TANGO2: variants seen among roughly 807,000 people sequenced by gnomAD.
TANGO2 encodes the protein transport and golgi organization 2 homolog, also known as transport and Golgi organization protein 2 homolog.
Under a neutral mutation model 39.1 loss-of-function variants are expected in TANGO2, and 26 were observed. The observed-to-expected ratio is 0.67, with a 90% CI of 0.49 to 0.92. The LOEUF is 0.92. TANGO2 is among the 40% of genes least tolerant of loss of function. TANGO2 has a pLI of 0.00. For missense variants in TANGO2, 326 were observed against 360.1 expected, an observed-to-expected ratio of 0.91 and a Z score of 0.77; for synonymous variants, 131 against 144.5, an observed-to-expected ratio of 0.91 and a Z score of 0.67.
chr22:20,043,314 C>T (rs769576322), intron 2 of TANGO2, 41 bp from the exon 3 acceptor site: 6 of 1,459,162 alleles, frequency 4.1e-6, no homozygotes, highest in Admixed American at 1.7e-5. Context: ...TTGGCTCGCT[C>T]GTTTCCATCT....
chr22:20,036,960 C>G, intron 2 of TANGO2, 106 bp downstream of exon 2: 2 of 1,611,502 alleles, frequency 1.2e-6, no homozygotes, highest in Non-Finnish European at 1.7e-6. Context: ...TGGGCCAGGA[C>G]GGGGCTGCAC....
chr22:20,036,500 C>T (rs534721415), intron 1 of TANGO2, among the ~76,000 whole-genome samples: 2 of 152,302 alleles, frequency 1.3e-5, no homozygotes, highest in South Asian at 4.1e-4. Context: ...CTTAAGACTA[C>T]CATGGTGCTG....
At chr22:20,023,530 A>G (rs2040132860) in intron 1 of TANGO2, among the ~76,000 whole-genome samples, 1 of 152,248 alleles carries the variant, frequency 6.6e-6, no homozygotes, top group Non-Finnish European at 1.5e-5. Context: ...AGCATTGTGA[A>G]GATCTGAGGA....
At chr22:20,022,308 G>A (rs983538810) in intron 1 of TANGO2, among the ~76,000 whole-genome samples, 33 of 152,180 alleles carry the variant, frequency 2.2e-4, no homozygotes, top group Non-Finnish European at 2.4e-4. Flanking sequence ...TGTGTCCTGC[G>A]TCTGTGTTGG....
At chr22:20,052,417 G>A (rs370355366) in intron 3 of TANGO2, 48 bp from the exon 4 acceptor site, 2 of 1,561,884 alleles carry the variant, frequency 1.3e-6, no homozygotes, top group Non-Finnish European at 1.7e-6. Context: ...CCAGGTGGGG[G>A]ACTGGAATGG....
At chr22:20,050,524 C>T (rs2046129122) in intron 3 of TANGO2, among the ~76,000 whole-genome samples, 1 of 151,180 alleles carries the variant, frequency 6.6e-6, no homozygotes, top group South Asian at 2.1e-4. Flanking sequence ...CCACCATGCC[C>T]AGCTAATTTT....
In TANGO2 at chr22:20,064,693, TGG is replaced by T. The variant is rs749891667; in HGVS notation, c.*36_*37del. ...CCTCTGGGCCTGGCCAGTGGGCTCC[TGG>T]GGGGCCCTGCCTTGAGGGGCACTGT... On this transcript the variant is annotated 3_prime_UTR_variant, in exon 9 of 9. Coordinates refer to ENST00000327374, the MANE Select transcript of TANGO2 (RefSeq NM_152906.7). 1 of 1,612,178 alleles carries T rather than the reference TGG, an allele frequency of 6.2e-7. No homozygotes were observed. Among genetic ancestry groups the T allele is most frequent in the Non-Finnish European group, 8.5e-7 (1 of 1,178,994 alleles).
chr22:20,040,121 C>A (rs894208243), intron 2 of TANGO2, among the ~76,000 whole-genome samples: 3 of 152,180 alleles, frequency 2.0e-5, no homozygotes, highest in African/African-American at 7.2e-5. Flanking sequence ...GGGGCTTGAT[C>A]TGGGTGCTCA....
At chr22:20,040,124 G>T (rs1460602574) in intron 2 of TANGO2, among the ~76,000 whole-genome samples, 1 of 152,130 alleles carries the variant, frequency 6.6e-6, no homozygotes, top group African/African-American at 2.4e-5. Flanking sequence ...GCTTGATCTG[G>T]GTGCTCAGCA....
rs1432830604 is a variant in TANGO2 at position 20,057,966 on chromosome 22, G to A, written c.451+1953G>A. 1 of 151,966 alleles carries A rather than the reference G, an allele frequency of 6.6e-6. No homozygotes were observed. Among genetic ancestry groups the A allele is most frequent in the Non-Finnish European group, 1.5e-5 (1 of 68,008 alleles). The allele number at this position is 151,966 out of a possible 1,614,324, so 9.4% of individuals were successfully genotyped here. A position where few individuals can be genotyped will look rare whatever the true frequency, so the allele number is the denominator to read the frequency against. On this transcript the variant is annotated intron_variant, in intron 6 of 8. Coordinates refer to ENST00000327374, the MANE Select transcript of TANGO2 (RefSeq NM_152906.7). The surrounding 1 kb of genome is among the most constrained non-coding windows in gnomAD (Gnocchi z 4.1). ...TTTTCTGCTCAGTTGTTGTTCTGTA[G>A]AACTTATTTCTGTCTACATCCTGCC...
At chr22:20,026,750 GTGGGGGATGCCCA>G (rs1437793477) in intron 1 of TANGO2, among the ~76,000 whole-genome samples, 1 of 152,186 alleles carries the variant, frequency 6.6e-6, no homozygotes, top group Non-Finnish European at 1.5e-5. Context: ...TGCCCAGCCA[GTGGGGGATGCCCA>G]TAAAACCCTG....
In TANGO2 at chr22:20,064,702, C is replaced by A. The variant is rs754546353; in HGVS notation, c.*40C>A. On this transcript the variant is annotated 3_prime_UTR_variant, in exon 9 of 9. Coordinates refer to ENST00000327374, the MANE Select transcript of TANGO2 (RefSeq NM_152906.7). ...CTGGCCAGTGGGCTCCTGGGGGGCC[C>A]TGCCTTGAGGGGCACTGTGGACAGG... 8.7e-6 allele frequency: 14 copies of A among 1,611,148 alleles called. No individual in the cohort carries two copies. Among genetic ancestry groups the A allele is most frequent in the Non-Finnish European group, 1.2e-5 (14 of 1,178,604 alleles).
At chr22:20,029,741 AAAGACCACACC>A (rs2041479604) in intron 1 of TANGO2, among the ~76,000 whole-genome samples, 1 of 152,184 alleles carries the variant, frequency 6.6e-6, no homozygotes, top group Non-Finnish European at 1.5e-5. Flanking sequence ...CAGGGTTGGC[AAAGACCACACC>A]AAAGTCCCAA....
At chr22:20,049,268 T>C (rs1407686550) in intron 3 of TANGO2, among the ~76,000 whole-genome samples, 1 of 152,208 alleles carries the variant, frequency 6.6e-6, no homozygotes, top group African/African-American at 2.4e-5. Context: ...TGAACATATA[T>C]GTGTGGGTCT....
intron 5 of TANGO2, 169 bp from the exon 6 acceptor site, chr22:20,055,774 C>T (rs529518336): frequency 1.6e-5 from 10 of 642,654 alleles, no homozygotes; most frequent in Non-Finnish European, 2.5e-5. Flanking sequence ...CCTCCATGAC[C>T]CCGCCTGCCA....
At chr22:20,039,986 G>T (rs2043600312) in intron 2 of TANGO2, among the ~76,000 whole-genome samples, 1 of 152,150 alleles carries the variant, frequency 6.6e-6, no homozygotes, top group Admixed American at 6.6e-5. Context: ...GAGGTGACTT[G>T]CCATCCTCAG....
At chr22:20,023,274 G>A (rs995784393) in intron 1 of TANGO2, among the ~76,000 whole-genome samples, 1 of 148,742 alleles carries the variant, frequency 6.7e-6, no homozygotes, top group Non-Finnish European at 1.5e-5. Context: ...TCCTCTTTGC[G>A]GGCATGGTAG....
At chr22:20,029,877 T>G (rs1353366854) in intron 1 of TANGO2, among the ~76,000 whole-genome samples, 2 of 152,240 alleles carry the variant, frequency 1.3e-5, no homozygotes, top group African/African-American at 4.8e-5. Flanking sequence ...GATGGCACTC[T>G]ACTGGGGGTG....
At position 20,064,843 on chromosome 22, in the gene TANGO2, T is replaced by C; in HGVS notation, c.*181T>C. The C allele has an allele frequency of 1.4e-6, 1 of 738,420 alleles. No homozygotes were observed. Among genetic ancestry groups the C allele is most frequent in the Non-Finnish European group, 2.1e-6 (1 of 467,386 alleles). The allele number at this position is 738,420 out of a possible 1,614,324, so 45.7% of individuals were successfully genotyped here. ...GTGTCCCCATGCCCAGTTCAGGGTC[T>C]GCCTTTATGCCAGTGAGGAGCAGCA... On this transcript the variant is annotated 3_prime_UTR_variant, in exon 9 of 9. Coordinates refer to ENST00000327374, the MANE Select transcript of TANGO2 (RefSeq NM_152906.7).
Sources: allele counts gnomAD v4.1 joint callset (sites outside exome capture counted in the v4.1 genomes callset), GRCh38; gene constraint gnomAD v4.1.1; non-coding constraint Gnocchi (gnomAD v3.1); transcripts MANE v1.5; gene names NCBI Gene and HGNC (gene_info 2026-07-23, HGNC 2026-07-21).